GABRA5: variants seen among roughly 807,000 people sequenced by gnomAD.
GABRA5 encodes the protein gamma-aminobutyric acid type A receptor subunit alpha5.
A neutral mutation model predicts 47.3 loss-of-function variants in GABRA5; 18 were observed. The observed-to-expected ratio is 0.38, with a 90% CI of 0.26 to 0.56. The LOEUF (loss-of-function observed/expected upper bound fraction) is 0.56, where lower values mean the gene tolerates loss of function less well. GABRA5 is among the 20% of genes least tolerant of loss of function. GABRA5 has a pLI of 0.71. For missense variants in GABRA5, 365 were observed against 599.3 expected (o/e 0.61, Z 4.08); for synonymous variants, 237 against 229.3 (o/e 1.03, Z -0.30).
intron 6 of GABRA5, among the ~76,000 whole-genome samples, chr15:26,910,712 A>G (rs1893561399): frequency 6.6e-6 from 1 of 152,204 alleles, no homozygotes; most frequent in Admixed American, 6.5e-5. Flanking sequence ...TTGGAAGTAA[A>G]ACAGAAATTG....
chr15:26,943,131 C>T (rs538399930), intron 9 of GABRA5, 84 bp from the exon 10 acceptor site: 195 of 890,090 alleles, frequency 2.2e-4, no homozygotes, highest in Non-Finnish European at 3.2e-4. Context: ...GTGTCTATCA[C>T]TTTGGGCATG....
At chr15:26,878,221 A>C (rs545236018) in intron 3 of GABRA5, among the ~76,000 whole-genome samples, 1 of 152,272 alleles carries the variant, frequency 6.6e-6, no homozygotes, top group Non-Finnish European at 1.5e-5. Flanking sequence ...CCAAAATGGA[A>C]CAAAGCAAGC....
rs1028092188 is a variant in GABRA5 at position 26,924,521 on chromosome 15, G to T, written c.580+9636G>T. 2.0e-5 allele frequency among the ~76,000 whole-genome samples: 3 copies of T among 152,304 alleles called. No homozygotes were observed. In the East Asian group the frequency reaches 5.8e-4, roughly 29 times the overall value. On this transcript the variant is annotated intron_variant, in intron 7 of 10. Coordinates refer to ENST00000335625, the MANE Select transcript of GABRA5 (RefSeq NM_000810.4). ...CCTGCTGGTTTAGATGAAACTCCAG[G>T]CTTCCTACATGGCTTTTACTACCAT...
intron 6 of GABRA5, among the ~76,000 whole-genome samples, chr15:26,910,597 C>CA (rs34894641): frequency 0.024 from 3,475 of 146,588 alleles, 122 homozygotes; most frequent in South Asian, 0.15. Flanking sequence ...GAGACTCCAT[C>CA]AAAAAAAAAA....
At chr15:26,879,224 C>G (rs1892668047) in intron 3 of GABRA5, among the ~76,000 whole-genome samples, 1 of 152,200 alleles carries the variant, frequency 6.6e-6, no homozygotes, top group Non-Finnish European at 1.5e-5. Context: ...GAGTTGCAAA[C>G]TCGGTGACAA....
chr15:26,912,964 C>A (rs1248308039), intron 6 of GABRA5, among the ~76,000 whole-genome samples: 1 of 152,178 alleles, frequency 6.6e-6, no homozygotes, highest in Non-Finnish European at 1.5e-5. Context: ...TGGCAGATCA[C>A]CTGAGGTCGG....
rs568728034 is a variant in GABRA5, at chr15:26,923,425, G to A, written c.580+8540G>A. ...TTGAAAAATGTGCCACTTCCTTCTTGCCTCCAGGTTTCTGATGAGAAATCT... is the reference window on the plus strand; with the variant it reads ...TTGAAAAATGTGCCACTTCCTTCTTACCTCCAGGTTTCTGATGAGAAATCT... On this transcript the variant is annotated intron_variant, in intron 7 of 10. Transcript: ENST00000335625. Among the ~76,000 whole-genome samples, 28 of 152,060 alleles carry A rather than the reference G, an allele frequency of 1.8e-4. 1 individual carries two copies. Among genetic ancestry groups the A allele is most frequent in the Non-Finnish European group, 3.4e-4 (23 of 68,010 alleles).
chr15:26,867,194 A>AGCTGCAGGGCGGC lies in GABRA5; in HGVS notation c.-140+85_-140+97dup, dbSNP rs1892335574. The AGCTGCAGGGCGGC allele has an allele frequency of 1.3e-5, 2 of 148,484 alleles. No individual in the cohort carries two copies. Among genetic ancestry groups the AGCTGCAGGGCGGC allele is most frequent in the Non-Finnish European group, 1.5e-5 (1 of 66,630 alleles). 9.2% of individuals were successfully genotyped at this position (148,484 alleles called of 1,614,324 possible). A position where few individuals can be genotyped will look rare whatever the true frequency, so the allele number is the denominator to read the frequency against. ...CGGCCCGGGGCGCGGCGCGGAGCGG[A>AGCTGCAGGGCGGC]GCTGCAGGGCGGCGGCGGGAGCGCG... is the stretch of plus-strand genomic sequence containing the variant. On this transcript the variant is annotated intron_variant, in intron 1 of 10. Transcript: ENST00000335625. This position sits in a 1 kb window ranked among gnomAD's most constrained non-coding sequence, Gnocchi z 5.9.
chr15:26,943,479 G>A (rs771713182), intron 10 of GABRA5, 53 bp downstream of exon 10: 2 of 1,461,234 alleles, frequency 1.4e-6, no homozygotes, highest in Non-Finnish European at 1.9e-6. Flanking sequence ...GAGAAAGTGT[G>A]CCTGATTCTA....
At chr15:26,911,265 C>T (rs937654503) in intron 6 of GABRA5, among the ~76,000 whole-genome samples, 1 of 151,900 alleles carries the variant, frequency 6.6e-6, no homozygotes, top group Non-Finnish European at 1.5e-5. Context: ...GTCTTTTTTA[C>T]ATTTTTACTG....
At chr15:26,903,890 G>C (rs1051384287) in intron 6 of GABRA5, among the ~76,000 whole-genome samples, 4 of 151,344 alleles carry the variant, frequency 2.6e-5, no homozygotes, top group African/African-American at 9.7e-5. Flanking sequence ...GACTTTTGCA[G>C]ATATTTTCTC....
intron 6 of GABRA5, among the ~76,000 whole-genome samples, chr15:26,891,773 C>G (rs955509736): frequency 6.6e-6 from 1 of 152,240 alleles, no homozygotes; most frequent in Non-Finnish European, 1.5e-5. Flanking sequence ...CACCACCGCG[C>G]TTCCGGACAC....
intron 7 of GABRA5, among the ~76,000 whole-genome samples, chr15:26,915,240 G>C (rs1032494885): frequency 1.3e-5 from 2 of 152,166 alleles, no homozygotes; most frequent in African/African-American, 4.8e-5. Context: ...CCAGTGCCCA[G>C]TACTCAGCCA....
intron 7 of GABRA5, among the ~76,000 whole-genome samples, chr15:26,928,518 T>G (rs1330801764): frequency 6.6e-6 from 1 of 152,104 alleles, no homozygotes; most frequent in East Asian, 1.9e-4. Context: ...CCCAGTGTAT[T>G]AAGAAGTGGG....
intron 7 of GABRA5, among the ~76,000 whole-genome samples, chr15:26,919,064 A>T (rs1313137430): frequency 2.0e-5 from 3 of 152,098 alleles, no homozygotes; most frequent in Non-Finnish European, 2.9e-5. Flanking sequence ...GATCACCTGA[A>T]CCTAGGAGGC....
chr15:26,910,132 G>A (rs1288445597), intron 6 of GABRA5, among the ~76,000 whole-genome samples: 1 of 151,318 alleles, frequency 6.6e-6, no homozygotes, highest in Non-Finnish European at 1.5e-5. Context: ...GTTTTACAAA[G>A]GTCACACAAT....
chr15:26,891,141 A>G (rs1892995804), intron 6 of GABRA5, among the ~76,000 whole-genome samples: 1 of 152,198 alleles, frequency 6.6e-6, no homozygotes, highest in Admixed American at 6.5e-5. Flanking sequence ...CCGTCTGGCC[A>G]GGCCATGCTT....
intron 7 of GABRA5, among the ~76,000 whole-genome samples, chr15:26,927,955 G>A (rs1894000741): frequency 6.6e-6 from 1 of 152,122 alleles, no homozygotes; most frequent in African/African-American, 2.4e-5. Context: ...CTTACAAAAG[G>A]ATGTTTCTCG....
rs577569408 is a variant in GABRA5, at chr15:26,902,117, G to T, written c.498-12686G>T. On this transcript the variant is annotated intron_variant, in intron 6 of 10. Transcript: ENST00000335625. ...TGTTCTTTTCCCTCGATATCATTAT[G>T]GCTACTCTGGGTCTTTTGCCTCTTC... 1.2e-4 allele frequency among the ~76,000 whole-genome samples: 19 copies of T among 152,072 alleles called. No individual in the cohort carries two copies. In the South Asian group the frequency reaches 3.9e-3, roughly 32 times the overall value.
Sources: allele counts gnomAD v4.1 joint callset (sites outside exome capture counted in the v4.1 genomes callset), GRCh38; gene constraint gnomAD v4.1.1; non-coding constraint Gnocchi (gnomAD v3.1); transcripts MANE v1.5; gene names NCBI Gene and HGNC (gene_info 2026-07-23, HGNC 2026-07-21).